The following CSRNP3 variants were observed in gnomAD, a reference collection of about 807,000 sequenced individuals.
The protein encoded by CSRNP3 is cysteine and serine rich nuclear protein 3.
Under a neutral mutation model 48.0 loss-of-function variants are expected in CSRNP3, and 12 were observed. The ratio of observed to expected loss-of-function variants is 0.25; its 90% CI spans 0.16 to 0.41. CSRNP3 has a LOEUF of 0.41. Ranked by LOEUF, CSRNP3 falls within the 10% of genes least tolerant of loss-of-function variation. The pLI, the probability that CSRNP3 is intolerant of heterozygous loss-of-function variation, is 1.00. For synonymous variants in CSRNP3, 263 were observed against 269.7 expected, an observed-to-expected ratio of 0.98 and a Z score of 0.24; for missense variants, 580 against 724.4, an observed-to-expected ratio of 0.80 and a Z score of 2.29.
In CSRNP3 at chr2:165,682,053, T is replaced by C. The variant is rs896353427; in HGVS notation, c.*2300T>C. 4.6e-5 allele frequency: 7 copies of C among 151,780 alleles called. No homozygotes were observed. The highest frequency in any genetic ancestry group is 1.7e-4 in the African/African-American group (7 of 41,318). 9.4% of individuals were successfully genotyped at this position (151,780 alleles called of 1,614,324 possible). Reference sequence around the variant, plus strand: ...CTTGTGAAGTACTCTGAGGTTATTCTTGGAACACAGAGTGTGGGAGAGTGG... The same window carrying C: ...CTTGTGAAGTACTCTGAGGTTATTCCTGGAACACAGAGTGTGGGAGAGTGG... On this transcript the variant is annotated 3_prime_UTR_variant, in exon 7 of 7. Transcript: ENST00000651982.
chr2:165,536,225 G>A (rs1684879905), intron 3 of CSRNP3, among the ~76,000 whole-genome samples: 1 of 151,822 alleles, frequency 6.6e-6, no homozygotes, highest in South Asian at 2.1e-4. Flanking sequence ...TATTCTATTT[G>A]TTATTAGTTC....
intron 3 of CSRNP3, among the ~76,000 whole-genome samples, chr2:165,521,565 C>A (rs1007290062): frequency 1.3e-5 from 2 of 152,164 alleles, no homozygotes; most frequent in African/African-American, 2.4e-5. Context: ...TTTCACATTA[C>A]CTGGTATGCC....
At chr2:165,568,937 G>C (rs1293050656) in intron 3 of CSRNP3, among the ~76,000 whole-genome samples, 1 of 151,810 alleles carries the variant, frequency 6.6e-6, no homozygotes, top group South Asian at 2.1e-4. Context: ...ATAAATAAAT[G>C]TATACATAAA....
chr2:165,530,983 T>C (rs1025299493), intron 3 of CSRNP3, among the ~76,000 whole-genome samples: 1 of 152,042 alleles, frequency 6.6e-6, no homozygotes, highest in Non-Finnish European at 1.5e-5. Context: ...CTTTTTTTTT[T>C]CAGTGATCAT....
rs1558970299 is a variant in CSRNP3 at position 165,673,172 on chromosome 2, C to G, written c.409-3140C>G. On this transcript the variant is annotated intron_variant, in intron 5 of 6. Transcript: ENST00000651982. ...TTTTTTTTTGAGACAGGGCATCACTCTGTCACTCAGGCTATATTATAATGG... is the reference window on the plus strand; with the variant it reads ...TTTTTTTTTGAGACAGGGCATCACTGTGTCACTCAGGCTATATTATAATGG... Among the ~76,000 whole-genome samples the G allele has an allele frequency of 3.7e-5, 4 of 109,304 alleles. No homozygotes were observed. In the South Asian group the frequency reaches 1.3e-3, roughly 36 times the overall value. The allele number at this position is 109,304 out of a possible 152,430, so 71.7% of individuals were successfully genotyped here. A position where few individuals can be genotyped will look rare whatever the true frequency, so the allele number is the denominator to read the frequency against.
Position 165,626,293 on chromosome 2 carries a change from G to A in CSRNP3, c.148+31080G>A, listed in dbSNP as rs540554237. On this transcript the variant is annotated intron_variant, in intron 4 of 6. Coordinates refer to ENST00000651982, the MANE Select transcript of CSRNP3 (RefSeq NM_001172173.2). The stretch of plus-strand genomic sequence containing the variant: ...GGGTAAGAAAAGGCTTTGCCAGTAA[G>A]GTGAAACTTAAGCAGAGACTCAAAT... 2.0e-5 allele frequency among the ~76,000 whole-genome samples: 3 copies of A among 152,172 alleles called. No homozygotes were observed. In the South Asian group the frequency reaches 6.2e-4, roughly 32 times the overall value.
At chr2:165,523,667 C>T (rs1194035307) in intron 3 of CSRNP3, among the ~76,000 whole-genome samples, 1 of 152,076 alleles carries the variant, frequency 6.6e-6, no homozygotes, top group African/African-American at 2.4e-5. Context: ...TGTAAAGACC[C>T]CTCTCACTGG....
At chr2:165,587,651 C>G (rs565426697) in intron 3 of CSRNP3, among the ~76,000 whole-genome samples, 1 of 152,292 alleles carries the variant, frequency 6.6e-6, no homozygotes, top group East Asian at 1.9e-4. Flanking sequence ...GTTCCTGTTT[C>G]CTGAGTTTTG....
chr2:165,552,797 C>T lies in CSRNP3; in HGVS notation c.-24+34836C>T, dbSNP rs371804894. On this transcript the variant is annotated intron_variant, in intron 3 of 6. Coordinates refer to ENST00000651982, the MANE Select transcript of CSRNP3 (RefSeq NM_001172173.2). ...GCAACCTTCGCATCCTGGGTTCTAG[C>T]GATCCTTCTGCCTCAGCCTCCCAAG... Among the ~76,000 whole-genome samples the T allele has an allele frequency of 1.2e-4, 18 of 152,082 alleles. 1 individual carries two copies. Among genetic ancestry groups the T allele is most frequent in the East Asian group, 1.2e-3 (6 of 5,168 alleles).
intron 4 of CSRNP3, among the ~76,000 whole-genome samples, chr2:165,630,086 C>G (rs551576116): frequency 2.0e-5 from 3 of 152,272 alleles, no homozygotes; most frequent in African/African-American, 7.2e-5. Context: ...GCTTAATCAT[C>G]CTATCTGTAC....
intron 3 of CSRNP3, among the ~76,000 whole-genome samples, chr2:165,552,363 G>A (rs956385176): frequency 2.6e-5 from 4 of 152,178 alleles, no homozygotes; most frequent in East Asian, 1.9e-4. Flanking sequence ...ACAGAAAACC[G>A]ATCATGCTTT....
intron 3 of CSRNP3, among the ~76,000 whole-genome samples, chr2:165,535,466 G>C (rs770877818): frequency 1.1e-4 from 17 of 151,620 alleles, no homozygotes; most frequent in Non-Finnish European, 1.9e-4. Flanking sequence ...AAATAAGCTT[G>C]GCAAAATTTA....
At chr2:165,621,558 C>T (rs1219593808) in intron 4 of CSRNP3, among the ~76,000 whole-genome samples, 2 of 152,108 alleles carry the variant, frequency 1.3e-5, no homozygotes, top group Non-Finnish European at 2.9e-5. Flanking sequence ...CAGAATATTA[C>T]TTTTTAAAAG....
intron 3 of CSRNP3, among the ~76,000 whole-genome samples, chr2:165,525,612 A>G (rs969914429): frequency 6.6e-6 from 1 of 151,672 alleles, no homozygotes; most frequent in African/African-American, 2.4e-5. Context: ...CAGCCTCCCA[A>G]AAAGCTGGGA....
intron 2 of CSRNP3, among the ~76,000 whole-genome samples, chr2:165,500,057 CAGGA>C (rs1684336184): frequency 7.2e-6 from 1 of 139,208 alleles, no homozygotes; most frequent in Non-Finnish European, 1.6e-5. Context: ...AAAAAAAAAA[CAGGA>C]AAGAAAACAC....
At chr2:165,526,568 A>G (rs1439199330) in intron 3 of CSRNP3, among the ~76,000 whole-genome samples, 1 of 152,220 alleles carries the variant, frequency 6.6e-6, no homozygotes, top group Non-Finnish European at 1.5e-5. Context: ...TTGAAAATAT[A>G]AAGCTTTGGG....
chr2:165,507,986 G>T (rs1684451316), intron 2 of CSRNP3, among the ~76,000 whole-genome samples: 1 of 151,956 alleles, frequency 6.6e-6, no homozygotes, highest in Non-Finnish European at 1.5e-5. Flanking sequence ...TTCCATGCAG[G>T]AACATATCCA....
At chr2:165,525,187 C>T (rs989957504) in intron 3 of CSRNP3, among the ~76,000 whole-genome samples, 3 of 152,072 alleles carry the variant, frequency 2.0e-5, no homozygotes, top group Admixed American at 2.0e-4. Context: ...AACATGTTTT[C>T]TTCTGCTTAT....
chr2:165,586,194 C>G (rs1685629343), intron 3 of CSRNP3, among the ~76,000 whole-genome samples: 1 of 152,194 alleles, frequency 6.6e-6, no homozygotes, highest in Non-Finnish European at 1.5e-5. Flanking sequence ...TTAACCATCA[C>G]TCAGCACTCA....
Sources: gnomAD v4.1 joint callset for allele counts (sites outside exome capture counted in the v4.1 genomes callset) on GRCh38, gnomAD v4.1.1 for gene constraint, MANE v1.5 for transcripts, NCBI Gene and HGNC (gene_info 2026-07-23, HGNC 2026-07-21) for gene names.